The following DIAPH2 variants were observed in gnomAD, a reference collection of about 807,000 sequenced individuals.
DIAPH2 encodes protein diaphanous homolog 2.
A neutral mutation model predicts 92.7 loss-of-function variants in DIAPH2; 35 were observed. The observed-to-expected ratio is 0.38, with a 90% CI of 0.29 to 0.50. DIAPH2 has a LOEUF of 0.50. DIAPH2 is among the 20% of genes least tolerant of loss of function. DIAPH2 has a pLI of 0.94. For missense variants in DIAPH2, 701 were observed against 819.5 expected (o/e 0.86, Z 1.77); for synonymous variants, 301 against 280.4 (o/e 1.07, Z -0.73).
intron 26 of DIAPH2, among the ~76,000 whole-genome samples, chrX:97,494,299 A>G: frequency 9.1e-6 from 1 of 109,402 alleles, no homozygotes; most frequent in Non-Finnish European, 1.9e-5. Flanking sequence ...AGCCTGGGCA[A>G]CAGAGCGAGA....
chrX:97,583,982 C>A (rs2071461693), intron 26 of DIAPH2, among the ~76,000 whole-genome samples: 3 of 112,516 alleles, frequency 2.7e-5, no homozygotes, highest in African/African-American at 9.7e-5. Context: ...AAGGGAGCTC[C>A]CTGACCCCTT....
rs762790400 is a variant in DIAPH2 at position 97,277,721 on chromosome X, C to A, written c.2844+29882C>A. Among the ~76,000 whole-genome samples, 75 of 112,151 alleles carry A rather than the reference C, an allele frequency of 6.7e-4. 1 individual carries two copies. Among genetic ancestry groups the A allele is most frequent in the African/African-American group, 2.4e-3 (74 of 30,942 alleles). On this transcript the variant is annotated intron_variant, in intron 23 of 26. Coordinates refer to ENST00000324765, the MANE Select transcript of DIAPH2 (RefSeq NM_006729.5). ...TTATGCCTCCCATTCTTACCCTGTTCCTCAATCTGAATGTTGATTGTCAGG... is the reference window on the plus strand; with the variant it reads ...TTATGCCTCCCATTCTTACCCTGTTACTCAATCTGAATGTTGATTGTCAGG...
intron 21 of DIAPH2, among the ~76,000 whole-genome samples, chrX:97,129,013 A>G (rs1462402173): frequency 9.0e-6 from 1 of 110,730 alleles, no homozygotes; most frequent in African/African-American, 3.3e-5. Flanking sequence ...GTAAATACCT[A>G]GGAGTGGGAA....
intron 25 of DIAPH2, among the ~76,000 whole-genome samples, chrX:97,386,528 C>T (rs2069602355): frequency 9.1e-6 from 1 of 110,219 alleles, no homozygotes; most frequent in Admixed American, 9.7e-5. Flanking sequence ...ATTAGCCAGG[C>T]GTGGTGGTGC....
chrX:97,306,649 A>T (rs1234776905), intron 23 of DIAPH2, among the ~76,000 whole-genome samples: 1 of 110,908 alleles, frequency 9.0e-6, no homozygotes, highest in Admixed American at 9.6e-5. Flanking sequence ...TCTTCTCCAC[A>T]TGCCAATACA....
At chrX:96,812,878 C>T (rs901783782) in intron 4 of DIAPH2, among the ~76,000 whole-genome samples, 9 of 111,837 alleles carry the variant, frequency 8.0e-5, no homozygotes, top group East Asian at 2.8e-4. Context: ...GCACTGTGGT[C>T]GGAGAGACAG....
At chrX:96,891,567 A>G (rs980236687) in intron 5 of DIAPH2, among the ~76,000 whole-genome samples, 3 of 112,244 alleles carry the variant, frequency 2.7e-5, no homozygotes, top group African/African-American at 6.5e-5. Flanking sequence ...TGCAAGATGT[A>G]TAGGTATTTG....
intron 24 of DIAPH2, among the ~76,000 whole-genome samples, chrX:97,369,524 C>T (rs2069422676): frequency 3.5e-5 from 3 of 84,771 alleles, no homozygotes; most frequent in Non-Finnish European, 8.1e-5. Context: ...TACTTTTCCA[C>T]ACCTCATCAG....
chrX:97,385,526 C>T (rs1044379924), intron 25 of DIAPH2, among the ~76,000 whole-genome samples: 10 of 111,490 alleles, frequency 9.0e-5, no homozygotes, highest in Non-Finnish European at 1.7e-4. Context: ...CCACTGCACC[C>T]GGCACTTTTA....
At chrX:96,728,506 C>T (rs1301957302) in intron 1 of DIAPH2, among the ~76,000 whole-genome samples, 4 of 111,990 alleles carry the variant, frequency 3.6e-5, no homozygotes, top group Admixed American at 9.5e-5. Context: ...CCACCAAGCC[C>T]AGCCTATATG....
intron 4 of DIAPH2, among the ~76,000 whole-genome samples, chrX:96,794,981 C>G (rs2064528020): frequency 9.0e-6 from 1 of 111,681 alleles, no homozygotes; most frequent in Non-Finnish European, 1.9e-5. Context: ...CTCTGTATGT[C>G]TTTTATAAGT....
At chrX:96,857,495 G>C (rs760084927) in intron 4 of DIAPH2, among the ~76,000 whole-genome samples, 1 of 112,389 alleles carries the variant, frequency 8.9e-6, no homozygotes, top group South Asian at 3.7e-4. Context: ...ACAATCTGTT[G>C]AAATGTAGAT....
intron 4 of DIAPH2, among the ~76,000 whole-genome samples, chrX:96,790,608 A>G (rs1391987895): frequency 1.8e-5 from 2 of 111,478 alleles, no homozygotes. Flanking sequence ...TTTGCAAATA[A>G]TTGCAGTATT....
intron 20 of DIAPH2, among the ~76,000 whole-genome samples, chrX:97,108,224 T>C (rs980047368): frequency 1.8e-5 from 2 of 111,199 alleles, no homozygotes; most frequent in African/African-American, 6.6e-5. Context: ...AGCCACTTGA[T>C]GTGATTTGAT....
chrX:96,993,979 G>T (rs888094798), intron 17 of DIAPH2, among the ~76,000 whole-genome samples: 5 of 111,390 alleles, frequency 4.5e-5, no homozygotes, highest in Non-Finnish European at 9.4e-5. Flanking sequence ...TGGTATGAAG[G>T]ACAGGAGGGA....
chrX:97,504,202 G>A (rs763737031), intron 26 of DIAPH2, among the ~76,000 whole-genome samples: 53 of 111,982 alleles, frequency 4.7e-4, no homozygotes, highest in African/African-American at 1.5e-3. Flanking sequence ...TAAGTTGATC[G>A]CAGCACTTCA....
chrX:97,063,470 A>G (rs1052456792), intron 17 of DIAPH2, among the ~76,000 whole-genome samples: 6 of 112,012 alleles, frequency 5.4e-5, no homozygotes, highest in Non-Finnish European at 7.5e-5. Context: ...GGGATGGTAG[A>G]AACTAATTTT....
intron 5 of DIAPH2, among the ~76,000 whole-genome samples, chrX:96,903,823 A>G (rs1437494009): frequency 8.9e-6 from 1 of 112,377 alleles, no homozygotes; most frequent in African/African-American, 3.2e-5. Flanking sequence ...AGATTTGGGC[A>G]TAAGCCATTT....
chrX:96,699,724 G>A (rs1436261360), intron 1 of DIAPH2, among the ~76,000 whole-genome samples: 1 of 111,738 alleles, frequency 8.9e-6, no homozygotes, highest in Non-Finnish European at 1.9e-5. Flanking sequence ...GACAGGGTCA[G>A]CTAATCCCTG....
Sources: allele counts gnomAD v4.1 joint callset (sites outside exome capture counted in the v4.1 genomes callset), GRCh38; gene constraint gnomAD v4.1.1; transcripts MANE v1.5; gene names NCBI Gene and HGNC (gene_info 2026-07-23, HGNC 2026-07-21).